Variants in NEO1 observed in about 807,000 individuals in gnomAD.
NEO1 encodes the protein neogenin 1.
A neutral mutation model predicts 159.7 loss-of-function variants in NEO1; 63 were observed. The observed-to-expected ratio is 0.39, with a 90% confidence interval of 0.32 to 0.49. NEO1 has a LOEUF of 0.49. Ranked by LOEUF, NEO1 falls within the 20% of genes least tolerant of loss-of-function variation. The probability of loss-of-function intolerance (pLI) is 0.85; values close to 1 mark genes in which losing one functional copy is unlikely to be tolerated. For missense variants in NEO1, 1,615 were observed against 1,831.0 expected, an observed-to-expected ratio of 0.88 and a Z score of 2.15; for synonymous variants, 633 against 662.0, an observed-to-expected ratio of 0.96 and a Z score of 0.67.
intron 1 of NEO1, among the ~76,000 whole-genome samples, chr15:73,114,071 C>T (rs748959787): frequency 3.3e-5 from 5 of 152,106 alleles, no homozygotes; most frequent in Admixed American, 2.0e-4. Flanking sequence ...CTGTAGGTAG[C>T]GCATACACCA....
chr15:73,260,568 C>T, intron 15 of NEO1, 103 bp downstream of exon 15: 2 of 998,954 alleles, frequency 2.0e-6, no homozygotes, highest in Non-Finnish European at 2.8e-6. Context: ...GAAAATAGTA[C>T]AAGTAATTTC....
intron 7 of NEO1, among the ~76,000 whole-genome samples, chr15:73,212,687 G>A (rs902113997): frequency 6.6e-6 from 1 of 151,238 alleles, no homozygotes; most frequent in African/African-American, 2.4e-5. Context: ...TGGACCCAAA[G>A]ATAACATGTA....
chr15:73,116,124 AAAT>A (rs1173210873), intron 1 of NEO1, among the ~76,000 whole-genome samples: 2 of 152,224 alleles, frequency 1.3e-5, no homozygotes, highest in African/African-American at 4.8e-5. Flanking sequence ...TTTATGAAAA[AAAT>A]ACAAATAACT....
chr15:73,263,260 C>T (rs1295750021), intron 15 of NEO1, among the ~76,000 whole-genome samples: 1 of 146,844 alleles, frequency 6.8e-6, no homozygotes, highest in Admixed American at 6.9e-5. Flanking sequence ...GTGGCGCGAT[C>T]TCAGCTCACT....
At chr15:73,200,323 A>G (rs970271579) in intron 7 of NEO1, among the ~76,000 whole-genome samples, 22 of 152,164 alleles carry the variant, frequency 1.4e-4, no homozygotes, top group Admixed American at 7.9e-4. Flanking sequence ...GCTTACACCT[A>G]TAATCACAGC....
At chr15:73,220,261 T>C (rs2038158501) in intron 7 of NEO1, among the ~76,000 whole-genome samples, 1 of 152,238 alleles carries the variant, frequency 6.6e-6, no homozygotes, top group Admixed American at 6.5e-5. Flanking sequence ...CCCCACTCTC[T>C]TCTGGCTTGT....
chr15:73,258,838 A>G lies in NEO1; in HGVS notation c.2165A>G (p.Asp722Gly). Residue 722 changes from aspartate (D) to glycine (G), a missense_variant, in exon 14 of 29, where the codon GAC becomes GGC. Transcript: ENST00000261908. ...ATCAATGGTACAGGCCCGGCAACTG[A>G]CTGGCTGTCTGCTGAAACTTTTGAA... ...LTINGTGPAT[D>G]WLSAETFESD... The G allele has an allele frequency of 4.3e-6, 7 of 1,613,924 alleles. No homozygotes were observed. The highest frequency in any genetic ancestry group is 5.9e-6 in the Non-Finnish European group (7 of 1,179,864).
Position 73,134,707 on chromosome 15 carries a change from G to A in NEO1, c.879-1184G>A, listed in dbSNP as rs138415144. On this transcript the variant is annotated intron_variant, in intron 4 of 28. Transcript: ENST00000261908. ...TGGGATTACAGGCATGCACCACCAC[G>A]CCTGGCTAATTTTTGTATTTTTAGT... Among the ~76,000 whole-genome samples, 2,688 of 151,996 alleles carry A rather than the reference G, an allele frequency of 0.018. 156 individuals carry two copies. In the East Asian group the frequency reaches 0.2, roughly 11 times the overall value.
At chr15:73,163,074 C>G (rs1264448408) in intron 5 of NEO1, 1 of 152,074 alleles carries the variant, frequency 6.6e-6, no homozygotes, top group African/African-American at 2.4e-5. Context: ...ATTTTTCTTC[C>G]TAAAGGTTTT....
chr15:73,211,900 G>A (rs1045058629), intron 7 of NEO1, among the ~76,000 whole-genome samples: 17 of 152,116 alleles, frequency 1.1e-4, no homozygotes, highest in African/African-American at 3.6e-4. Flanking sequence ...CCATACCCTT[G>A]ACACTTTTGA....
intron 1 of NEO1, among the ~76,000 whole-genome samples, chr15:73,098,156 T>C (rs1008926149): frequency 5.9e-5 from 9 of 152,058 alleles, no homozygotes; most frequent in East Asian, 3.9e-4. Flanking sequence ...TTAAAACAGC[T>C]TAAATTTTTT....
At chr15:73,272,397 GA>G (rs2151042400) in intron 18 of NEO1, 57 bp from the exon 19 acceptor site, 1 of 1,331,532 alleles carries the variant, frequency 7.5e-7, no homozygotes, top group East Asian at 2.4e-5. Flanking sequence ...AAAGGTTGAA[GA>G]AATAGTGAAC....
chr15:73,188,920 C>T (rs1488451209), intron 7 of NEO1, among the ~76,000 whole-genome samples: 1 of 151,894 alleles, frequency 6.6e-6, no homozygotes, highest in African/African-American at 2.4e-5. Flanking sequence ...TAGTGAGACC[C>T]CATCCTCACA....
At chr15:73,273,532 A>G (rs1282782389) in intron 19 of NEO1, among the ~76,000 whole-genome samples, 1 of 152,112 alleles carries the variant, frequency 6.6e-6, no homozygotes, top group Non-Finnish European at 1.5e-5. Flanking sequence ...TCCCTTCTCA[A>G]TGTGGGGATT....
chr15:73,293,557 T>G lies in NEO1; in HGVS notation c.3901+9T>G, dbSNP rs368395702. ...CAGGGCCAATTCCACAGGTGAGAGATGAGGATCAAGCCCAGATGGAAACCA... is the reference window on the plus strand; with the variant it reads ...CAGGGCCAATTCCACAGGTGAGAGAGGAGGATCAAGCCCAGATGGAAACCA... On this transcript the variant is annotated intron_variant, in intron 26 of 28. Transcript: ENST00000261908. 4 of 1,611,778 alleles carry G rather than the reference T, an allele frequency of 2.5e-6. No homozygotes were observed. The highest frequency in any genetic ancestry group is 1.3e-5 in the African/African-American group (1 of 74,806).
At chr15:73,266,967 T>G (rs1474953815) in intron 16 of NEO1, among the ~76,000 whole-genome samples, 1 of 152,170 alleles carries the variant, frequency 6.6e-6, no homozygotes, top group Non-Finnish European at 1.5e-5. Context: ...CTACTTAAAA[T>G]ATCTCTAAAG....
intron 4 of NEO1, among the ~76,000 whole-genome samples, chr15:73,134,027 CAT>C (rs1263561612): frequency 2.0e-5 from 3 of 152,140 alleles, no homozygotes; most frequent in Admixed American, 6.5e-5. Flanking sequence ...AGCTGGGTAT[CAT>C]ATGTATACAT....
intron 7 of NEO1, among the ~76,000 whole-genome samples, chr15:73,190,680 GTTAA>G (rs1225549634): frequency 6.6e-6 from 1 of 152,128 alleles, no homozygotes; most frequent in African/African-American, 2.4e-5. Context: ...TGGTGTTGAT[GTTAA>G]TTAAAGGATA....
chr15:73,107,212 G>T (rs1387490734), intron 1 of NEO1, among the ~76,000 whole-genome samples: 1 of 152,090 alleles, frequency 6.6e-6, no homozygotes, highest in African/African-American at 2.4e-5. Flanking sequence ...CAATATATTG[G>T]GTTGCTTTTT....
Sources: gnomAD v4.1 joint callset for allele counts (sites outside exome capture counted in the v4.1 genomes callset) on GRCh38, gnomAD v4.1.1 for gene constraint, MANE v1.5 for transcripts, NCBI Gene and HGNC (gene_info 2026-07-23, HGNC 2026-07-21) for gene names.